Variants in SNAPC2 observed in about 807,000 individuals in gnomAD.
SNAPC2 encodes small nuclear RNA activating complex polypeptide 2.
SNAPC2 carries 27 observed loss-of-function variants against 22.9 expected under a neutral mutation model. The ratio of observed to expected loss-of-function variants is 1.18; its 90% CI spans 0.87 to 1.63. The LOEUF is 1.63. Ranked by LOEUF, SNAPC2 falls within the 40% of genes most tolerant of loss-of-function variation. The probability of loss-of-function intolerance (pLI) is 0.00; values close to 1 mark genes in which losing one functional copy is unlikely to be tolerated. For missense variants in SNAPC2, 570 were observed against 449.1 expected (o/e 1.27, Z -2.43); for synonymous variants, 272 against 201.0 (o/e 1.35, Z -2.99).
chr19:7,922,581 C>A lies in SNAPC2; in HGVS notation c.822C>A (p.Ser274Arg), dbSNP rs762574442. 5 of 1,613,584 alleles carry A rather than the reference C, an allele frequency of 3.1e-6. No homozygotes were observed. Among genetic ancestry groups the A allele is most frequent in the Non-Finnish European group, 4.2e-6 (5 of 1,179,906 alleles). Residue 274 changes from serine to arginine, a missense_variant, in exon 5 of 5, where the codon AGC becomes AGA. By Grantham distance (110) the Ser-to-Arg change is moderately radical. Coordinates refer to ENST00000221573, the MANE Select transcript of SNAPC2 (RefSeq NM_003083.4). ...CCCAGCCCATTCCCGCTGGAGGGAGCCTGGGGCCTGCAGCAGAAGGGGATG... is the reference window on the plus strand; with the variant it reads ...CCCAGCCCATTCCCGCTGGAGGGAGACTGGGGCCTGCAGCAGAAGGGGATG... ...TAPQPIPAGG[S>R]LGPAAEGDGA...
At chr19:7,922,390 G>A (rs369227389) in intron 4 of SNAPC2, 43 bp downstream of exon 4, 45 of 1,593,432 alleles carry the variant, frequency 2.8e-5, no homozygotes, top group Non-Finnish European at 3.7e-5. Flanking sequence ...GGGATCAAGG[G>A]TCCCTGGCAG....
In SNAPC2 at chr19:7,921,735, G is replaced by A; in HGVS notation, c.334G>A (p.Gly112Arg). ...GACGGATCTGGCTGAGAAGATAACA[G>A]GGCCACTGGAAGAAGCCCTGGCAGT... ...VWTDLAEKIT[G>R]PLEEALAVAF... The change falls in exon 3 of 5, where the codon GGG becomes AGG. Residue 112 changes from glycine to arginine, a missense_variant. Coordinates refer to ENST00000221573, the MANE Select transcript of SNAPC2 (RefSeq NM_003083.4). 6.2e-7 allele frequency: 1 copy of A among 1,613,696 alleles called. No individual in the cohort carries two copies. The highest frequency in any genetic ancestry group is 8.5e-7 in the Non-Finnish European group (1 of 1,179,824).
At position 7,922,028 on chromosome 19, in the gene SNAPC2, C is replaced by T; in HGVS notation, c.373-7C>T. The T allele has an allele frequency of 6.2e-7, 1 of 1,601,498 alleles. No homozygotes were observed. Among genetic ancestry groups the T allele is most frequent in the Non-Finnish European group, 8.5e-7 (1 of 1,172,076 alleles). Reference sequence around the variant, plus strand: ...TCCTCTTCCTCCCTGATTGTTCTGCCTGCCAGGTGCTCACCATCGCGGCCA... The same window carrying T: ...TCCTCTTCCTCCCTGATTGTTCTGCTTGCCAGGTGCTCACCATCGCGGCCA... On this transcript the variant is annotated splice_polypyrimidine_tract_variant and splice_region_variant and intron_variant, in intron 3 of 4. Transcript: ENST00000221573.
At chr19:7,920,571 C>G in intron 1 of SNAPC2, 22 bp downstream of exon 1, 3 of 756,624 alleles carry the variant, frequency 4.0e-6, no homozygotes, top group Non-Finnish European at 3.4e-6. Flanking sequence ...TTCTCGGGAC[C>G]GGAGCCAGGC....
Position 7,922,679 on chromosome 19 carries a change from C to T in SNAPC2, c.920C>T (p.Pro307Leu), listed in dbSNP as rs1190060249. The change falls in exon 5 of 5, where the codon CCT (proline) becomes CTT (leucine). Residue 307 changes from proline (P) to leucine (L), a missense_variant. Coordinates refer to ENST00000221573, the MANE Select transcript of SNAPC2 (RefSeq NM_003083.4). ...EKAEHSELKS[P>L]WQAAGICPLN... ...GCCGAGCACAGCGAACTGAAATCGC[C>T]TTGGCAAGCAGCTGGGATCTGTCCC... is the stretch of plus-strand genomic sequence containing the variant. 14 of 1,613,622 alleles carry T rather than the reference C, an allele frequency of 8.7e-6. 1 individual carries two copies. The highest frequency in any genetic ancestry group is 1.2e-5 in the Non-Finnish European group (14 of 1,179,932).
chr19:7,921,531 G>T lies in SNAPC2; in HGVS notation c.292G>T (p.Ala98Ser). 2 of 1,613,034 alleles carry T rather than the reference G, an allele frequency of 1.2e-6. No individual in the cohort carries two copies. Reference protein sequence around the residue: ...GPRRREAQPPAPIEVWTDLAE... With the variant: ...GPRRREAQPPSPIEVWTDLAE... ...AAGGCGCCGGGAGGCACAGCCCCCAGCCCCCATAGAGGTGAGGCAGATGAA... is the reference window on the plus strand; with the variant it reads ...AAGGCGCCGGGAGGCACAGCCCCCATCCCCCATAGAGGTGAGGCAGATGAA... Residue 98 changes from alanine (A) to serine (S), a missense_variant, in exon 2 of 5, where the codon GCC becomes TCC. Coordinates refer to ENST00000221573, the MANE Select transcript of SNAPC2 (RefSeq NM_003083.4).
Position 7,920,479 on chromosome 19 carries a change from C to T in SNAPC2, c.113C>T (p.Ala38Val), listed in dbSNP as rs1350118084. 2.0e-6 allele frequency: 3 copies of T among 1,522,170 alleles called. No individual in the cohort carries two copies. The highest frequency in any genetic ancestry group is 2.6e-6 in the Non-Finnish European group (3 of 1,142,936). 94.3% of individuals were successfully genotyped at this position (1,522,170 alleles called of 1,614,324 possible). The change falls in exon 1 of 5, where the codon GCG becomes GTG. Residue 38 changes from alanine to valine, a missense_variant. Transcript: ENST00000221573. ...EKRQLVRLLQ[A>V]RQGQPEPDAT... is the part of the protein sequence containing the mutation. ...CGGCAGCTAGTGCGACTCCTGCAGG[C>T]GCGGCAGGGCCAGCCGGAGCCGGAC...
chr19:7,920,721 A>C, intron 1 of SNAPC2, 172 bp downstream of exon 1: 2 of 42,628 alleles, frequency 4.7e-5, no homozygotes, highest in Non-Finnish European at 7.8e-5. Context: ...GGGCGGGGTG[A>C]GGGGCGGGGC....
rs774770237 is a variant in SNAPC2, at chr19:7,922,105, G to T, written c.443G>T (p.Arg148Leu). 3 of 1,613,744 alleles carry T rather than the reference G, an allele frequency of 1.9e-6. No individual in the cohort carries two copies. The highest frequency in any genetic ancestry group is 1.7e-5 in the Admixed American group (1 of 59,982). ...HSKPPKPTQA[R>L]GKPLLLSAPG... ...AAGCCCCCCAAGCCCACGCAGGCCCGTGGAAAGCCTTTGCTCCTGAGCGCC... is the reference window on the plus strand; with the variant it reads ...AAGCCCCCCAAGCCCACGCAGGCCCTTGGAAAGCCTTTGCTCCTGAGCGCC... Residue 148 changes from arginine (R) to leucine (L), a missense_variant, in exon 4 of 5, where the codon CGT becomes CTT. Arg to Leu is a moderately radical substitution (Grantham distance 102). Coordinates refer to ENST00000221573, the MANE Select transcript of SNAPC2 (RefSeq NM_003083.4).
rs1463498494 is a variant in SNAPC2, at chr19:7,922,810, C to G, written c.*46C>G. ...CCACACCAGGCCCCCCGCCCTGCCCCTCGGTTCTGCTCGGCTGGCCCTGGC... is the reference window on the plus strand; with the variant it reads ...CCACACCAGGCCCCCCGCCCTGCCCGTCGGTTCTGCTCGGCTGGCCCTGGC... On this transcript the variant is annotated 3_prime_UTR_variant, in exon 5 of 5. Coordinates refer to ENST00000221573, the MANE Select transcript of SNAPC2 (RefSeq NM_003083.4). 1 of 1,403,016 alleles carries G rather than the reference C, an allele frequency of 7.1e-7. No homozygotes were observed. The highest frequency in any genetic ancestry group is 9.7e-7 in the Non-Finnish European group (1 of 1,035,544). The allele number at this position is 1,403,016 out of a possible 1,614,324, so 86.9% of individuals were successfully genotyped here. A position where few individuals can be genotyped will look rare whatever the true frequency, so the allele number is the denominator to read the frequency against.
intron 1 of SNAPC2, 126 bp from the exon 2 acceptor site, chr19:7,921,297 C>T: frequency 1.3e-6 from 2 of 1,516,726 alleles, no homozygotes; most frequent in East Asian, 2.3e-5. Context: ...GGACTCCTAA[C>T]ACCGGGCCAG....
chr19:7,921,528 C>A lies in SNAPC2; in HGVS notation c.289C>A (p.Pro97Thr). 1 of 1,613,104 alleles carries A rather than the reference C, an allele frequency of 6.2e-7. No homozygotes were observed. Among genetic ancestry groups the A allele is most frequent in the Non-Finnish European group, 8.5e-7 (1 of 1,179,510 alleles). The change falls in exon 2 of 5, where the codon CCA becomes ACA. Residue 97 changes from proline to threonine, a missense_variant. Transcript: ENST00000221573. ...ACCAAGGCGCCGGGAGGCACAGCCCCCAGCCCCCATAGAGGTGAGGCAGAT... is the reference window on the plus strand; with the variant it reads ...ACCAAGGCGCCGGGAGGCACAGCCCACAGCCCCCATAGAGGTGAGGCAGAT... ...QGPRRREAQP[P>T]APIEVWTDLA...
In SNAPC2 at chr19:7,920,514, C is replaced by A; in HGVS notation, c.148C>A (p.Leu50Met). The A allele has an allele frequency of 6.8e-7, 1 of 1,472,026 alleles. No individual in the cohort carries two copies. Among genetic ancestry groups the A allele is most frequent in the Non-Finnish European group, 8.9e-7 (1 of 1,120,162 alleles). The allele number at this position is 1,472,026 out of a possible 1,614,324, so 91.2% of individuals were successfully genotyped here. Residue 50 changes from leucine (L) to methionine (M), a missense_variant, in exon 1 of 5, where the codon CTG becomes ATG. Coordinates refer to ENST00000221573, the MANE Select transcript of SNAPC2 (RefSeq NM_003083.4). ...QGQPEPDATE[L>M]ARELRGRSEA... is the part of the protein sequence containing the mutation. ...CCAGCCGGAGCCGGACGCCACCGAG[C>A]TGGCCCGGGAGCTGCGGGGCCGGAG...
chr19:7,922,156 C>T lies in SNAPC2; in HGVS notation c.494C>T (p.Pro165Leu). The change falls in exon 4 of 5, where the codon CCT becomes CTT. Residue 165 changes from proline (P) to leucine (L), a missense_variant. Physicochemically the swap from Pro to Leu is moderately conservative, Grantham distance 98. Coordinates refer to ENST00000221573, the MANE Select transcript of SNAPC2 (RefSeq NM_003083.4). ...CCTGGAGGACAGGAAGACCCCGCCC[C>T]TGAAATACCTAGCTCTGCCCCTGCT... ...SAPGGQEDPA[P>L]EIPSSAPAAP... 1 of 1,614,086 alleles carries T rather than the reference C, an allele frequency of 6.2e-7. No individual in the cohort carries two copies. The highest frequency in any genetic ancestry group is 8.5e-7 in the Non-Finnish European group (1 of 1,180,012).
chr19:7,922,744 G>T lies in SNAPC2; in HGVS notation c.985G>T (p.Ala329Ser), dbSNP rs1201979693. 5 of 1,591,148 alleles carry T rather than the reference G, an allele frequency of 3.1e-6. No individual in the cohort carries two copies. Among genetic ancestry groups the T allele is most frequent in the South Asian group, 1.1e-5 (1 of 90,134 alleles). The change falls in exon 5 of 5, where the codon GCA (alanine) becomes TCA (serine). Residue 329 changes from alanine (A) to serine (S), a missense_variant. Coordinates refer to ENST00000221573, the MANE Select transcript of SNAPC2 (RefSeq NM_003083.4). The part of the protein sequence containing the change: ...FLVPLELLGR[A>S]ATPAR ...GGTGCCCCTGGAGCTTCTGGGTCGG[G>T]CAGCCACCCCTGCCAGGTGAGGGGC...
At chr19:7,921,325 G>A in intron 1 of SNAPC2, 98 bp from the exon 2 acceptor site, 7 of 1,582,560 alleles carry the variant, frequency 4.4e-6, no homozygotes, top group Non-Finnish European at 6.0e-6. Context: ...CTAAGGCGCA[G>A]TAGCGGGGCC....
intron 1 of SNAPC2, 140 bp downstream of exon 1, chr19:7,920,689 C>T: frequency 1.1e-5 from 1 of 95,132 alleles, no homozygotes; most frequent in Non-Finnish European, 1.6e-5. Context: ...GGCTGAGTGG[C>T]GGGGCGTTAG....
Position 7,921,528 on chromosome 19 carries a change from C to T in SNAPC2, c.289C>T (p.Pro97Ser). The T allele has an allele frequency of 6.2e-7, 1 of 1,613,104 alleles. No homozygotes were observed. The highest frequency in any genetic ancestry group is 8.5e-7 in the Non-Finnish European group (1 of 1,179,510). ...ACCAAGGCGCCGGGAGGCACAGCCCCCAGCCCCCATAGAGGTGAGGCAGAT... is the reference window on the plus strand; with the variant it reads ...ACCAAGGCGCCGGGAGGCACAGCCCTCAGCCCCCATAGAGGTGAGGCAGAT... ...QGPRRREAQP[P>S]APIEVWTDLA... is the part of the protein sequence containing the mutation. Residue 97 changes from proline to serine, a missense_variant, in exon 2 of 5, where the codon CCA (proline) becomes TCA (serine). By Grantham distance (74) the Pro-to-Ser change is moderately conservative (BLOSUM62 -1). Coordinates refer to ENST00000221573, the MANE Select transcript of SNAPC2 (RefSeq NM_003083.4).
chr19:7,922,675 T>C lies in SNAPC2; in HGVS notation c.916T>C (p.Ser306Pro), dbSNP rs1214122219. 1.9e-6 allele frequency: 3 copies of C among 1,612,496 alleles called. No homozygotes were observed. The highest frequency in any genetic ancestry group is 1.3e-5 in the African/African-American group (1 of 74,494). ...GAAGGCCGAGCACAGCGAACTGAAA[T>C]CGCCTTGGCAAGCAGCTGGGATCTG... ...TEKAEHSELK[S>P]PWQAAGICPL... is the part of the protein sequence containing the mutation. The change falls in exon 5 of 5, where the codon TCG becomes CCG. Residue 306 changes from serine to proline, a missense_variant. Physicochemically the swap from Ser to Pro is moderately conservative, Grantham distance 74 (BLOSUM62 -1). Transcript: ENST00000221573.
Sources: gnomAD v4.1 joint callset for allele counts on GRCh38, gnomAD v4.1.1 for gene constraint, MANE v1.5 for transcripts, NCBI Gene and HGNC (gene_info 2026-07-23, HGNC 2026-07-21) for gene names.